Variants in NLGN1 observed in about 807,000 individuals in gnomAD.
The protein encoded by NLGN1 is neuroligin 1, also known as neuroligin-1.
NLGN1 carries 12 observed loss-of-function variants against 65.5 expected under a neutral mutation model. That is an observed-to-expected ratio of 0.18 (90% CI 0.12 to 0.30). The LOEUF is 0.30. Among genes scored for constraint, NLGN1 ranks in the 10% least tolerant of loss-of-function variants. NLGN1 has a pLI of 1.00. For synonymous variants in NLGN1, 350 were observed against 359.5 expected (o/e 0.97, Z 0.30); for missense variants, 750 against 1,007.1 (o/e 0.74, Z 3.46).
intron 4 of NLGN1, among the ~76,000 whole-genome samples, chr3:173,884,570 T>G (rs1733962256): frequency 6.6e-6 from 1 of 152,142 alleles, no homozygotes; most frequent in Admixed American, 6.5e-5. Flanking sequence ...ACTTTGAGAT[T>G]AGTTGAAATT....
chr3:173,490,810 A>G (rs1729006083), intron 2 of NLGN1, among the ~76,000 whole-genome samples: 1 of 152,038 alleles, frequency 6.6e-6, no homozygotes, highest in Non-Finnish European at 1.5e-5. Flanking sequence ...GGTCCTTCAC[A>G]TCCCTTGTAA....
chr3:173,914,087 C>G (rs1740224260), intron 4 of NLGN1, among the ~76,000 whole-genome samples: 1 of 152,158 alleles, frequency 6.6e-6, no homozygotes, highest in Admixed American at 6.5e-5. Context: ...TGCTTCCTTA[C>G]AATACACAGT....
intron 4 of NLGN1, among the ~76,000 whole-genome samples, chr3:173,841,296 C>T (rs1157199845): frequency 6.6e-6 from 1 of 152,102 alleles, no homozygotes; most frequent in Non-Finnish European, 1.5e-5. Context: ...AAAACTTCGT[C>T]TCATTTTTCT....
intron 4 of NLGN1, among the ~76,000 whole-genome samples, chr3:174,055,169 T>C (rs917632247): frequency 4.8e-5 from 7 of 146,710 alleles, no homozygotes; most frequent in African/African-American, 1.3e-4. Flanking sequence ...TTTTTTTTTT[T>C]CTGTCCAGTG....
At position 173,827,262 on chromosome 3, in the gene NLGN1, A is replaced by G. The variant is rs1721521717; in HGVS notation, c.646+19430A>G. On this transcript the variant is annotated intron_variant, in intron 4 of 6. Transcript: ENST00000457714. ...GGGATGAATTTGAAGAAGTAGGGAA[A>G]ATCCAGATTATGTAGAGTCTGTAGG... Among the ~76,000 whole-genome samples, 3 of 152,126 alleles carry G rather than the reference A, an allele frequency of 2.0e-5. No individual in the cohort carries two copies. In the South Asian group the frequency reaches 6.2e-4, roughly 31 times the overall value.
At chr3:173,927,097 CT>C (rs1208325161) in intron 4 of NLGN1, among the ~76,000 whole-genome samples, 1 of 151,998 alleles carries the variant, frequency 6.6e-6, no homozygotes, top group African/African-American at 2.4e-5. Flanking sequence ...GAGTTTCACT[CT>C]TGTCACCCAG....
At chr3:173,904,618 A>G (rs1414728290) in intron 4 of NLGN1, among the ~76,000 whole-genome samples, 1 of 151,994 alleles carries the variant, frequency 6.6e-6, no homozygotes, top group African/African-American at 2.4e-5. Context: ...ATGGAATAAT[A>G]TCTTGAGAGA....
At chr3:173,445,691 G>A (rs2148818155) in intron 2 of NLGN1, among the ~76,000 whole-genome samples, 1 of 152,342 alleles carries the variant, frequency 6.6e-6, no homozygotes, top group East Asian at 1.9e-4. Flanking sequence ...GAGCCATTGT[G>A]TTTTCTACAT....
intron 2 of NLGN1, among the ~76,000 whole-genome samples, chr3:173,555,417 A>G (rs757429150): frequency 6.6e-6 from 1 of 152,050 alleles, no homozygotes; most frequent in Non-Finnish European, 1.5e-5. Context: ...ATCTTAGGAG[A>G]ATTATTAGTT....
intron 4 of NLGN1, among the ~76,000 whole-genome samples, chr3:174,021,783 T>C (rs1395173914): frequency 6.6e-6 from 1 of 152,190 alleles, no homozygotes; most frequent in East Asian, 1.9e-4. Flanking sequence ...ATTTTACTTA[T>C]AGGAAATAAT....
intron 4 of NLGN1, among the ~76,000 whole-genome samples, chr3:173,950,337 CA>C: frequency 6.6e-6 from 1 of 152,154 alleles, no homozygotes; most frequent in Admixed American, 6.5e-5. Context: ...TTCACATTTA[CA>C]AAAAATATGG....
intron 3 of NLGN1, among the ~76,000 whole-genome samples, chr3:173,806,407 T>C (rs1267695159): frequency 1.3e-5 from 2 of 152,070 alleles, no homozygotes; most frequent in Non-Finnish European, 2.9e-5. Context: ...ATTATAAGGA[T>C]GTTGGAGAGT....
At chr3:173,685,781 G>A in intron 3 of NLGN1, 1 of 985,390 alleles carries the variant, frequency 1.0e-6, no homozygotes, top group Non-Finnish European at 1.2e-6. Flanking sequence ...TGTATGTGCT[G>A]TGTCAAAAAG....
At chr3:173,521,374 C>A (rs1478030595) in intron 2 of NLGN1, among the ~76,000 whole-genome samples, 1 of 152,056 alleles carries the variant, frequency 6.6e-6, no homozygotes, top group African/African-American at 2.4e-5. Flanking sequence ...GTAAGATCTC[C>A]ATAGAGGTGC....
chr3:173,990,479 A>G (rs1295779098), intron 4 of NLGN1, among the ~76,000 whole-genome samples: 1 of 152,206 alleles, frequency 6.6e-6, no homozygotes, highest in African/African-American at 2.4e-5. Context: ...GAGCATGCAA[A>G]TTTTATATTA....
chr3:173,733,264 T>A (rs924439997), intron 3 of NLGN1, among the ~76,000 whole-genome samples: 1 of 152,052 alleles, frequency 6.6e-6, no homozygotes, highest in African/African-American at 2.4e-5. Context: ...AGAATAGATA[T>A]TTTTTTGAAA....
At chr3:174,012,203 C>G (rs757874763) in intron 4 of NLGN1, among the ~76,000 whole-genome samples, 1 of 152,158 alleles carries the variant, frequency 6.6e-6, no homozygotes, top group Non-Finnish European at 1.5e-5. Context: ...GTGTCCCTTA[C>G]CACCCATCTC....
At chr3:173,450,618 T>G (rs1382967570) in intron 2 of NLGN1, among the ~76,000 whole-genome samples, 2 of 152,190 alleles carry the variant, frequency 1.3e-5, no homozygotes, top group East Asian at 1.9e-4. Flanking sequence ...TGCATTGCTA[T>G]ATTGGGGAAG....
At chr3:173,835,783 G>T (rs562364094) in intron 4 of NLGN1, among the ~76,000 whole-genome samples, 1 of 152,128 alleles carries the variant, frequency 6.6e-6, no homozygotes, top group East Asian at 1.9e-4. Context: ...TTCTGAGAGA[G>T]AAAGAAGAGG....
Sources: gnomAD v4.1 joint callset for allele counts (sites outside exome capture counted in the v4.1 genomes callset) on GRCh38, gnomAD v4.1.1 for gene constraint, MANE v1.5 for transcripts, NCBI Gene and HGNC (gene_info 2026-07-23, HGNC 2026-07-21) for gene names.